The following NPHP1 variants were observed in gnomAD, a reference collection of about 807,000 sequenced individuals.
NPHP1 encodes nephrocystin-1.
A neutral mutation model predicts 90.4 loss-of-function variants in NPHP1; 70 were observed. The observed-to-expected ratio is 0.77, with a 90% CI of 0.64 to 0.95. The LOEUF is 0.95. Among genes scored for constraint, NPHP1 ranks in the 40% least tolerant of loss-of-function variants. The probability of loss-of-function intolerance (pLI) is 0.00; values close to 1 mark genes in which losing one functional copy is unlikely to be tolerated. For missense variants in NPHP1, 764 were observed against 795.9 expected, an observed-to-expected ratio of 0.96 and a Z score of 0.48; for synonymous variants, 256 against 271.7, an observed-to-expected ratio of 0.94 and a Z score of 0.57.
intron 12 of NPHP1, among the ~76,000 whole-genome samples, chr2:110,149,237 A>G (rs1361256087): frequency 2.6e-5 from 4 of 152,236 alleles, no homozygotes; most frequent in Non-Finnish European, 4.4e-5. Context: ...TGCCTAGGAA[A>G]AAATGCTTGC....
chr2:110,187,855 G>C (rs532795020), intron 2 of NPHP1, among the ~76,000 whole-genome samples: 1 of 152,112 alleles, frequency 6.6e-6, no homozygotes, highest in South Asian at 2.1e-4. Flanking sequence ...TGAAAGTTTG[G>C]TTCAACATAT....
intron 2 of NPHP1, among the ~76,000 whole-genome samples, chr2:110,191,685 A>G (rs995258693): frequency 1.3e-5 from 2 of 152,174 alleles, no homozygotes; most frequent in South Asian, 2.1e-4. Flanking sequence ...GCAGCTTGAC[A>G]TCTGAGAACG....
In NPHP1 at chr2:110,123,934, C is replaced by T. The variant is rs1486711364; in HGVS notation, c.1891G>A (p.Val631Ile). Residue 631 changes from valine to isoleucine, a missense_variant, in exon 20 of 20, where the codon GTT becomes ATT. Coordinates refer to ENST00000445609, the MANE Select transcript of NPHP1 (RefSeq NM_001128178.3). ...TTTTGCTTAAGGAAGTCAGTGATAA[C>T]TTTCCACCGTGCAGTCTCAGTCTCT... ...EEETETARWK[V>I]ITDFLKQNQE... 6.2e-7 allele frequency: 1 copy of T among 1,614,156 alleles called. No homozygotes were observed. The highest frequency in any genetic ancestry group is 2.2e-5 in the East Asian group (1 of 44,884).
intron 14 of NPHP1, 142 bp from the exon 15 acceptor site, chr2:110,144,711 G>C (rs1160236380): frequency 4.4e-6 from 3 of 677,218 alleles, no homozygotes; most frequent in Non-Finnish European, 8.1e-6. Context: ...AATAATTGTT[G>C]ATCCCTCCAT....
intron 19 of NPHP1, chr2:110,125,309 T>TAC: frequency 6.5e-7 from 1 of 1,534,774 alleles, no homozygotes; most frequent in Non-Finnish European, 8.7e-7. Flanking sequence ...CTCTTGGTGA[T>TAC]ACAGGCTTTG....
chr2:110,171,923 A>C (rs778989858), intron 4 of NPHP1, among the ~76,000 whole-genome samples: 1 of 152,164 alleles, frequency 6.6e-6, no homozygotes, highest in African/African-American at 2.4e-5. Flanking sequence ...AGCTTATAAA[A>C]TGATTTGAAA....
intron 14 of NPHP1, among the ~76,000 whole-genome samples, chr2:110,145,990 T>G (rs1468714823): frequency 1.3e-5 from 2 of 152,168 alleles, no homozygotes; most frequent in Non-Finnish European, 2.9e-5. Context: ...GGAGTAGGAA[T>G]TATTACAATC....
At chr2:110,185,847 G>A (rs1177896989) in intron 2 of NPHP1, among the ~76,000 whole-genome samples, 1 of 152,188 alleles carries the variant, frequency 6.6e-6, no homozygotes, top group Non-Finnish European at 1.5e-5. Context: ...TACTCCCCCT[G>A]AATGGCTGCA....
intron 2 of NPHP1, among the ~76,000 whole-genome samples, chr2:110,195,774 C>T (rs979995297): frequency 2.0e-5 from 3 of 152,088 alleles, no homozygotes; most frequent in Non-Finnish European, 2.9e-5. Context: ...CTACAGTAAC[C>T]AAAACAGCAT....
At chr2:110,164,946 A>C (rs1682611814) in intron 7 of NPHP1, 106 bp downstream of exon 7, 3 of 967,208 alleles carry the variant, frequency 3.1e-6, no homozygotes, top group Admixed American at 3.8e-5. Context: ...CTCTCCAGGT[A>C]CAAGTTGTCT....
rs1202777389 is a variant in NPHP1, at chr2:110,123,708, T to G, written c.*83A>C. The G allele has an allele frequency of 1.4e-6, 2 of 1,418,818 alleles. No homozygotes were observed. The highest frequency in any genetic ancestry group is 2.0e-6 in the Non-Finnish European group (2 of 1,006,716). 87.9% of individuals were successfully genotyped at this position (1,418,818 alleles called of 1,614,324 possible). A position where few individuals can be genotyped will look rare whatever the true frequency, so the allele number is the denominator to read the frequency against. ...AACCTAAGTTGTAAAGTGACAGTGA[T>G]TTTTGGTTCCATCATTTTATTCACG... On this transcript the variant is annotated 3_prime_UTR_variant, in exon 20 of 20. Coordinates refer to ENST00000445609, the MANE Select transcript of NPHP1 (RefSeq NM_001128178.3).
At chr2:110,202,694 G>C (rs1685648833) in intron 1 of NPHP1, among the ~76,000 whole-genome samples, 1 of 152,072 alleles carries the variant, frequency 6.6e-6, no homozygotes, top group Non-Finnish European at 1.5e-5. Flanking sequence ...CTAATCATCA[G>C]AGAAATGCAA....
At chr2:110,180,247 T>C (rs988893046) in intron 2 of NPHP1, among the ~76,000 whole-genome samples, 4 of 152,100 alleles carry the variant, frequency 2.6e-5, no homozygotes, top group African/African-American at 7.2e-5. Context: ...AGCACACTCC[T>C]GCTTTGAGCT....
intron 2 of NPHP1, among the ~76,000 whole-genome samples, chr2:110,194,372 T>C (rs901837578): frequency 5.3e-5 from 8 of 152,118 alleles, no homozygotes; most frequent in Non-Finnish European, 1.0e-4. Context: ...GAGAATACTA[T>C]AAACACCTCT....
At chr2:110,176,910 GC>G (rs1468935999) in intron 4 of NPHP1, among the ~76,000 whole-genome samples, 1 of 152,144 alleles carries the variant, frequency 6.6e-6, no homozygotes, top group Non-Finnish European at 1.5e-5. Context: ...GCCCTATACA[GC>G]CCAGGAGACC....
chr2:110,204,825 G>C (rs561514433), intron 1 of NPHP1, 75 bp downstream of exon 1: 7 of 1,488,330 alleles, frequency 4.7e-6, no homozygotes, highest in South Asian at 4.5e-5. Context: ...GTGGGGTCAC[G>C]GTGGGAAGGC....
chr2:110,151,119 C>G (rs1488686510), intron 11 of NPHP1, among the ~76,000 whole-genome samples: 2 of 146,660 alleles, frequency 1.4e-5, no homozygotes, highest in African/African-American at 2.5e-5. Flanking sequence ...TGAGCTGATA[C>G]CACACCACTG....
intron 1 of NPHP1, among the ~76,000 whole-genome samples, 169 bp downstream of exon 1, chr2:110,204,731 G>C (rs1685817797): frequency 6.6e-6 from 1 of 152,024 alleles, no homozygotes; most frequent in South Asian, 2.1e-4. Flanking sequence ...GTTTGAATCG[G>C]GGTTGGGTGC....
intron 11 of NPHP1, among the ~76,000 whole-genome samples, chr2:110,159,747 T>A (rs1053554207): frequency 3.9e-5 from 6 of 152,024 alleles, no homozygotes; most frequent in Admixed American, 6.5e-5. Flanking sequence ...TTGTCTTTTT[T>A]AAAATTTTCT....
Sources: allele counts gnomAD v4.1 joint callset (sites outside exome capture counted in the v4.1 genomes callset), GRCh38; gene constraint gnomAD v4.1.1; transcripts MANE v1.5; gene names NCBI Gene and HGNC (gene_info 2026-07-23, HGNC 2026-07-21).